The following AKR1B15 variants were observed in gnomAD, a reference collection of about 807,000 sequenced individuals.
The protein encoded by AKR1B15 is estradiol 17-beta-dehydrogenase AKR1B15.
Under a neutral mutation model 38.5 loss-of-function variants are expected in AKR1B15, and 49 were observed. That is an observed-to-expected ratio of 1.27 (90% CI 1.01 to 1.62). The LOEUF (loss-of-function observed/expected upper bound fraction) is 1.62. AKR1B15 is among the 40% of genes most tolerant of loss of function. AKR1B15 has a pLI of 0.00. For missense variants in AKR1B15, 411 were observed against 381.6 expected (o/e 1.08, Z -0.64); for synonymous variants, 137 against 135.5 (o/e 1.01, Z -0.08).
chr7:134,575,104 A>T (rs905222059), intron 6 of AKR1B15, among the ~76,000 whole-genome samples: 5 of 152,224 alleles, frequency 3.3e-5, no homozygotes, highest in African/African-American at 1.2e-4. Context: ...TATTTTTTTC[A>T]TGATAAAACT....
At chr7:134,575,592 A>T (rs754682285) in intron 7 of AKR1B15, 50 bp downstream of exon 7, 10 of 1,609,220 alleles carry the variant, frequency 6.2e-6, no homozygotes, top group Non-Finnish European at 8.5e-6. Context: ...TTACTTCTTA[A>T]ACATTGCGGG....
intron 2 of AKR1B15, among the ~76,000 whole-genome samples, chr7:134,563,761 C>G (rs1382833049): frequency 6.6e-6 from 1 of 152,152 alleles, no homozygotes; most frequent in Non-Finnish European, 1.5e-5. Flanking sequence ...AGTCACTTCA[C>G]AAATGGTTCC....
chr7:134,557,485 A>G (rs1263772889), intron 2 of AKR1B15, among the ~76,000 whole-genome samples: 1 of 152,074 alleles, frequency 6.6e-6, no homozygotes, highest in Non-Finnish European at 1.5e-5. Flanking sequence ...CCTTAAGGAC[A>G]TAACTGGTGC....
chr7:134,562,649 AAGAT>A (rs934336538), intron 2 of AKR1B15, among the ~76,000 whole-genome samples: 1 of 152,114 alleles, frequency 6.6e-6, no homozygotes, highest in African/African-American at 2.4e-5. Context: ...ATCCTCTTGT[AAGAT>A]AGAAAATTTC....
intron 3 of AKR1B15, among the ~76,000 whole-genome samples, chr7:134,567,055 G>C (rs944891017): frequency 1.3e-5 from 2 of 152,208 alleles, no homozygotes; most frequent in African/African-American, 4.8e-5. Context: ...TATGAACTTA[G>C]CAGTGGAGGT....
intron 4 of AKR1B15, among the ~76,000 whole-genome samples, chr7:134,568,817 G>T (rs568963758): frequency 2.6e-5 from 4 of 151,972 alleles, no homozygotes; most frequent in Non-Finnish European, 5.9e-5. Context: ...AGGATGTTGG[G>T]TGTGAGGGTG....
chr7:134,577,304 C>A (rs1445505290), intron 10 of AKR1B15, among the ~76,000 whole-genome samples: 1 of 152,194 alleles, frequency 6.6e-6, no homozygotes, highest in East Asian at 1.9e-4. Context: ...CTGAGAAGAC[C>A]CTCAGTTGCC....
rs374929844 is a variant in AKR1B15 at position 134,575,837 on chromosome 7, A to T, written c.653A>T (p.Tyr218Phe). ...PVTNQVECHP[Y>F]LTQEKLIQYC... is the part of the protein sequence containing the mutation. The stretch of plus-strand genomic sequence containing the variant: ...CTGTTGCAGGTTGAGTGTCACCCAT[A>T]CCTCACGCAGGAGAAACTGATCCAG... Residue 218 changes from tyrosine to phenylalanine, a missense_variant, in exon 8 of 12, where the codon TAC becomes TTC. Tyr to Phe is a conservative substitution (Grantham distance 22). Coordinates refer to ENST00000457545, the MANE Select transcript of AKR1B15 (RefSeq NM_001080538.3). 2 of 1,613,584 alleles carry T rather than the reference A, an allele frequency of 1.2e-6. No homozygotes were observed. Among genetic ancestry groups the T allele is most frequent in the Admixed American group, 3.3e-5 (2 of 59,972 alleles).
chr7:134,551,665 G>C (rs954971837), intron 1 of AKR1B15, among the ~76,000 whole-genome samples: 2 of 152,132 alleles, frequency 1.3e-5, no homozygotes, highest in African/African-American at 2.4e-5. Context: ...CAGGCAAAAA[G>C]CTTAGTGGCT....
At chr7:134,578,924 T>C (rs6955887) in intron 11 of AKR1B15, among the ~76,000 whole-genome samples, 70,159 of 152,084 alleles carry the variant, frequency 0.46, 16,717 homozygotes, top group African/African-American at 0.58. Flanking sequence ...GCATCATTTC[T>C]GGTGTAGGCA....
At chr7:134,566,084 A>G in intron 3 of AKR1B15, among the ~76,000 whole-genome samples, 1 of 152,304 alleles carries the variant, frequency 6.6e-6, no homozygotes, top group African/African-American at 2.4e-5. Context: ...GCTTAAGCCC[A>G]GGAGTTGGAG....
At position 134,571,700 on chromosome 7, in the gene AKR1B15, T is replaced by A. The variant is rs1794671250; in HGVS notation, c.513+19T>A. The A allele has an allele frequency of 1.3e-6, 2 of 1,599,500 alleles. No individual in the cohort carries two copies. Among genetic ancestry groups the A allele is most frequent in the Middle Eastern group, 1.7e-4 (1 of 6,030 alleles). Reference sequence around the variant, plus strand: ...CTGGGAGGTAGGTTCCAGCTTTGTCTAAGTGTGCTGGGAGAGAAATCCTCA... The same window carrying A: ...CTGGGAGGTAGGTTCCAGCTTTGTCAAAGTGTGCTGGGAGAGAAATCCTCA... On this transcript the variant is annotated intron_variant, in intron 6 of 11. Transcript: ENST00000457545.
chr7:134,562,030 C>A (rs1794409156), intron 2 of AKR1B15, among the ~76,000 whole-genome samples: 1 of 152,190 alleles, frequency 6.6e-6, no homozygotes, highest in Non-Finnish European at 1.5e-5. Flanking sequence ...GTCGCCCAGG[C>A]TGGAGTGCAG....
chr7:134,555,069 T>TTGA (rs1393024860), intron 1 of AKR1B15, among the ~76,000 whole-genome samples: 1 of 152,190 alleles, frequency 6.6e-6, no homozygotes, highest in African/African-American at 2.4e-5. Context: ...CAGGCTGGGT[T>TTGA]TTCACCTTTT....
At chr7:134,556,516 C>T (rs1794202465) in intron 1 of AKR1B15, among the ~76,000 whole-genome samples, 1 of 152,174 alleles carries the variant, frequency 6.6e-6, no homozygotes, top group Non-Finnish European at 1.5e-5. Flanking sequence ...CCCTTTCAGG[C>T]TACTTGTAGT....
intron 1 of AKR1B15, among the ~76,000 whole-genome samples, chr7:134,554,529 A>G (rs796207185): frequency 6.6e-6 from 1 of 152,070 alleles, no homozygotes; most frequent in African/African-American, 2.4e-5. Flanking sequence ...AAGATCCCCC[A>G]CCTTCAGGAC....
chr7:134,571,767 C>T lies in AKR1B15; in HGVS notation c.513+86C>T, dbSNP rs577975873. ...CCATTGATATGAAAGAGGCCATGTGCCTGATGCTTTCTAATTTCATCATTG... is the reference window on the plus strand; with the variant it reads ...CCATTGATATGAAAGAGGCCATGTGTCTGATGCTTTCTAATTTCATCATTG... On this transcript the variant is annotated intron_variant, in intron 6 of 11. Transcript: ENST00000457545. The T allele has an allele frequency of 1.2e-4, 128 of 1,029,444 alleles. No individual in the cohort carries two copies. In the African/African-American group the frequency reaches 1.9e-3, roughly 16 times the overall value. The allele number at this position is 1,029,444 out of a possible 1,614,324, so 63.8% of individuals were successfully genotyped here. A position where few individuals can be genotyped will look rare whatever the true frequency, so the allele number is the denominator to read the frequency against.
At chr7:134,560,285 T>C (rs1450120307) in intron 2 of AKR1B15, among the ~76,000 whole-genome samples, 2 of 152,088 alleles carry the variant, frequency 1.3e-5, no homozygotes, top group Middle Eastern at 3.2e-3. Flanking sequence ...CTGCTACCTA[T>C]GAACAAGCCC....
intron 5 of AKR1B15, among the ~76,000 whole-genome samples, chr7:134,570,889 T>C (rs1394037145): frequency 3.3e-5 from 5 of 152,224 alleles, no homozygotes; most frequent in Non-Finnish European, 5.9e-5. Context: ...AGACAAGTTG[T>C]AACTGCCATA....
Sources: allele counts gnomAD v4.1 joint callset (sites outside exome capture counted in the v4.1 genomes callset), GRCh38; gene constraint gnomAD v4.1.1; transcripts MANE v1.5; gene names NCBI Gene and HGNC (gene_info 2026-07-23, HGNC 2026-07-21).